The following VKORC1L1 variants were observed in gnomAD, a reference collection of about 807,000 sequenced individuals.
The protein encoded by VKORC1L1 is vitamin K epoxide reductase complex subunit 1L1.
VKORC1L1 carries 2 observed loss-of-function variants against 18.9 expected under a neutral mutation model. The ratio of observed to expected loss-of-function variants is 0.11; its 90% confidence interval spans 0.04 to 0.33. The LOEUF (loss-of-function observed/expected upper bound fraction) is 0.33, where lower values mean the gene tolerates loss of function less well. VKORC1L1 is among the 10% of genes least tolerant of loss of function. VKORC1L1 has a pLI of 1.00. For synonymous variants in VKORC1L1, 96 were observed against 100.0 expected, an observed-to-expected ratio of 0.96 and a Z score of 0.24; for missense variants, 123 against 224.1, an observed-to-expected ratio of 0.55 and a Z score of 2.88.
At chr7:65,899,684 C>A (rs1208466346) in intron 1 of VKORC1L1, among the ~76,000 whole-genome samples, 2 of 151,928 alleles carry the variant, frequency 1.3e-5, no homozygotes, top group Non-Finnish European at 2.9e-5. Flanking sequence ...GCTGGAGTTA[C>A]GAGATAGAAA....
intron 1 of VKORC1L1, among the ~76,000 whole-genome samples, chr7:65,876,332 G>A (rs916388093): frequency 2.0e-5 from 3 of 151,738 alleles, no homozygotes; most frequent in African/African-American, 7.3e-5. Flanking sequence ...CTGAAACCCC[G>A]TCTCTACTAA....
At chr7:65,872,534 G>T (rs1161105018), upstream of VKORC1L1, among the ~76,000 whole-genome samples, 1 of 152,062 alleles carries the variant, frequency 6.6e-6, no homozygotes, top group Non-Finnish European at 1.5e-5. Flanking sequence ...CGCCATGTAG[G>T]CCAGGCTGGT....
At chr7:65,918,277 G>A (rs1328610392) in intron 1 of VKORC1L1, among the ~76,000 whole-genome samples, 5 of 152,206 alleles carry the variant, frequency 3.3e-5, no homozygotes, top group Non-Finnish European at 5.9e-5. Flanking sequence ...TTCAGGGAAT[G>A]CAAAGTTTTT....
In VKORC1L1 at chr7:65,873,425, C is replaced by T. The variant is rs1197157158; in HGVS notation, c.54C>T (p.Ala18=). ...RVSVPRWERV[A]RYAVCAAGIL... is the part of the protein sequence containing the mutation. ...CGGTGCCGCGGTGGGAGCGGGTGGC[C>T]CGGTATGCAGTGTGCGCTGCCGGAA... The change falls in exon 1 of 3, where the codon GCC becomes GCT. Residue 18 remains alanine (A), a synonymous_variant. Transcript: ENST00000360768. The T allele has an allele frequency of 1.3e-5, 21 of 1,584,762 alleles. No individual in the cohort carries two copies. Among genetic ancestry groups the T allele is most frequent in the Non-Finnish European group, 1.8e-5 (21 of 1,168,178 alleles).
At chr7:65,889,622 A>G (rs780983483) in intron 1 of VKORC1L1, among the ~76,000 whole-genome samples, 3 of 152,228 alleles carry the variant, frequency 2.0e-5, no homozygotes. Context: ...CGGTCATTAA[A>G]TAGACCAATG....
chr7:65,904,724 A>G (rs143534453), intron 1 of VKORC1L1, among the ~76,000 whole-genome samples: 2 of 152,362 alleles, frequency 1.3e-5, no homozygotes, highest in East Asian at 3.9e-4. Context: ...CACAGATGGG[A>G]TGAATAGAAA....
At chr7:65,895,144 G>A (rs34637256) in intron 1 of VKORC1L1, among the ~76,000 whole-genome samples, 18,882 of 151,802 alleles carry the variant, frequency 0.12, 1,329 homozygotes, top group Middle Eastern at 0.21. Flanking sequence ...CATCTTCCAG[G>A]TACTTCTGGC....
At chr7:65,942,566 C>T (rs969857815) in intron 1 of VKORC1L1, among the ~76,000 whole-genome samples, 2 of 150,028 alleles carry the variant, frequency 1.3e-5, no homozygotes, top group South Asian at 2.1e-4. Context: ...GAGATGGAGT[C>T]GTGCTCTTTC....
intron 1 of VKORC1L1, among the ~76,000 whole-genome samples, chr7:65,941,765 C>A (rs1045297322): frequency 6.8e-6 from 1 of 147,442 alleles, no homozygotes; most frequent in African/African-American, 2.5e-5. Flanking sequence ...TAACCTCTCC[C>A]TCTCGGGTTC....
chr7:65,914,256 CA>C (rs1401062787), intron 1 of VKORC1L1, among the ~76,000 whole-genome samples: 1 of 152,132 alleles, frequency 6.6e-6, no homozygotes, highest in Non-Finnish European at 1.5e-5. Context: ...ATCATACCAC[CA>C]TGCCCAACTA....
Position 65,959,064 on chromosome 7 carries a change from G to GAGGT in VKORC1L1, c.*4767_*4770dup, listed in dbSNP as rs1302744709. 3 of 152,368 alleles carry GAGGT rather than the reference G, an allele frequency of 2.0e-5. No homozygotes were observed. Among genetic ancestry groups the GAGGT allele is most frequent in the African/African-American group, 7.2e-5 (3 of 41,452 alleles). 9.4% of individuals were successfully genotyped at this position (152,368 alleles called of 1,614,324 possible). On this transcript the variant is annotated 3_prime_UTR_variant, in exon 3 of 3. Transcript: ENST00000360768. ...CATGCCTGTAATCCCAGCACTTTGG[G>GAGGT]AGGTAGAGGCGGGTGGATCACTTGA...
intron 1 of VKORC1L1, among the ~76,000 whole-genome samples, chr7:65,947,980 G>A (rs1274210954): frequency 6.6e-6 from 1 of 152,146 alleles, no homozygotes; most frequent in Non-Finnish European, 1.5e-5. Context: ...TGATCCACGG[G>A]CCCGGCCCTA....
In VKORC1L1 at chr7:65,909,688, CTTTG is replaced by C. The variant is rs1189259132; in HGVS notation, c.194+36125_194+36128del. ...TGAAGCTTCTAACTTTTGTTTTAGCCTTTGTGTGTGTGTGTGTGTGTGTGTGTGT... is the reference window on the plus strand; with the variant it reads ...TGAAGCTTCTAACTTTTGTTTTAGCCTGTGTGTGTGTGTGTGTGTGTGTGT... On this transcript the variant is annotated intron_variant, in intron 1 of 2. Coordinates refer to ENST00000360768, the MANE Select transcript of VKORC1L1 (RefSeq NM_173517.6). Among the ~76,000 whole-genome samples, 305 of 81,132 alleles carry C rather than the reference CTTTG, an allele frequency of 3.8e-3. 3 individuals are homozygous for C. Among genetic ancestry groups the C allele is most frequent in the African/African-American group, 0.017 (294 of 17,122 alleles). The allele number at this position is 81,132 out of a possible 152,430, so 53.2% of individuals were successfully genotyped here.
intron 1 of VKORC1L1, among the ~76,000 whole-genome samples, chr7:65,896,644 T>C (rs199847310): frequency 1.5e-4 from 22 of 149,966 alleles, no homozygotes; most frequent in Middle Eastern, 3.4e-3. Context: ...GCCTCTCTTA[T>C]GATTCTTCAT....
At chr7:65,922,020 C>G (rs957670407) in intron 1 of VKORC1L1, among the ~76,000 whole-genome samples, 16 of 152,074 alleles carry the variant, frequency 1.1e-4, no homozygotes, top group African/African-American at 3.4e-4. Context: ...ACCATGCATC[C>G]TTGGTTTATT....
chr7:65,916,680 C>T (rs1487224556), intron 1 of VKORC1L1, among the ~76,000 whole-genome samples: 1 of 151,744 alleles, frequency 6.6e-6, no homozygotes, highest in East Asian at 1.9e-4. Flanking sequence ...CCCACTGCAA[C>T]CTCCACCTCC....
At chr7:65,877,529 G>C (rs1306522644) in intron 1 of VKORC1L1, among the ~76,000 whole-genome samples, 1 of 152,052 alleles carries the variant, frequency 6.6e-6, no homozygotes, top group Admixed American at 6.6e-5. Context: ...TGTATTTTTA[G>C]TAGAGACAGG....
At position 65,958,812 on chromosome 7, in the gene VKORC1L1, T is replaced by C. The variant is rs1323140041; in HGVS notation, c.*4512T>C. ...TTAATGACAAAAATGTGTCACTGCC[T>C]ACAGTTCTGTGAACACTCAGAATGT... is the stretch of plus-strand genomic sequence containing the variant. On this transcript the variant is annotated 3_prime_UTR_variant, in exon 3 of 3. Coordinates refer to ENST00000360768, the MANE Select transcript of VKORC1L1 (RefSeq NM_173517.6). 1 of 152,268 alleles carries C rather than the reference T, an allele frequency of 6.6e-6. No homozygotes were observed. Among genetic ancestry groups the C allele is most frequent in the Non-Finnish European group, 1.5e-5 (1 of 68,048 alleles). 9.4% of individuals were successfully genotyped at this position (152,268 alleles called of 1,614,324 possible).
At chr7:65,953,061 T>A (rs187936270) in intron 2 of VKORC1L1, among the ~76,000 whole-genome samples, 3 of 151,998 alleles carry the variant, frequency 2.0e-5, no homozygotes, top group Non-Finnish European at 2.9e-5. Flanking sequence ...CCTCCCAAAG[T>A]CCTAGCATTA....
Sources: gnomAD v4.1 joint callset for allele counts (sites outside exome capture counted in the v4.1 genomes callset) on GRCh38, gnomAD v4.1.1 for gene constraint, MANE v1.5 for transcripts, NCBI Gene and HGNC (gene_info 2026-07-23, HGNC 2026-07-21) for gene names.